Variants in GRIA4 observed in about 807,000 individuals in gnomAD.
The protein encoded by GRIA4 is glutamate receptor 4.
Under a neutral mutation model 104.0 loss-of-function variants are expected in GRIA4, and 34 were observed. The ratio of observed to expected loss-of-function variants is 0.33; its 90% CI spans 0.25 to 0.44. The LOEUF (loss-of-function observed/expected upper bound fraction) is 0.44. Among genes scored for constraint, GRIA4 ranks in the 20% least tolerant of loss-of-function variants. GRIA4 has a pLI of 1.00. For missense variants in GRIA4, 750 were observed against 1,096.5 expected (o/e 0.68, Z 4.46); for synonymous variants, 386 against 381.9 (o/e 1.01, Z -0.13).
chr11:105,879,767 A>C (rs2136076749), intron 5 of GRIA4, among the ~76,000 whole-genome samples: 1 of 152,342 alleles, frequency 6.6e-6, no homozygotes, highest in African/African-American at 2.4e-5. Flanking sequence ...ATTTCTCATA[A>C]ACAGGTTTGG....
intron 3 of GRIA4, among the ~76,000 whole-genome samples, chr11:105,698,218 A>C (rs984627484): frequency 1.3e-5 from 2 of 152,176 alleles, no homozygotes; most frequent in African/African-American, 4.8e-5. Context: ...CATATATATT[A>C]ATTATGTTAA....
chr11:105,952,356 G>C (rs957298333), intron 14 of GRIA4, among the ~76,000 whole-genome samples: 1 of 151,936 alleles, frequency 6.6e-6, no homozygotes, highest in African/African-American at 2.4e-5. Context: ...CCCAAAGTAG[G>C]TAAAAAAATT....
At chr11:105,731,185 AAAAC>A (rs1938563868) in intron 3 of GRIA4, among the ~76,000 whole-genome samples, 1 of 152,214 alleles carries the variant, frequency 6.6e-6, no homozygotes, top group Non-Finnish European at 1.5e-5. Context: ...TTACAAGAAA[AAAAC>A]AAACAGCCCC....
intron 3 of GRIA4, among the ~76,000 whole-genome samples, chr11:105,685,237 G>A (rs745456568): frequency 2.4e-4 from 37 of 152,028 alleles, no homozygotes; most frequent in Admixed American, 5.2e-4. Context: ...TCCTTAGGAC[G>A]CACTTAGAAA....
At chr11:105,881,044 G>T (rs138914232) in intron 5 of GRIA4, among the ~76,000 whole-genome samples, 1 of 152,210 alleles carries the variant, frequency 6.6e-6, no homozygotes, top group Admixed American at 6.5e-5. Flanking sequence ...CAGGCTGGAA[G>T]AGGAGTAGAG....
chr11:105,691,299 A>C (rs1038820750), intron 3 of GRIA4, among the ~76,000 whole-genome samples: 1 of 152,216 alleles, frequency 6.6e-6, no homozygotes, highest in African/African-American at 2.4e-5. Context: ...ACAACAACAA[A>C]AAAAATTGTT....
At chr11:105,810,938 T>C (rs1413675592) in intron 4 of GRIA4, among the ~76,000 whole-genome samples, 1 of 152,190 alleles carries the variant, frequency 6.6e-6, no homozygotes, top group African/African-American at 2.4e-5. Flanking sequence ...TATTATTGAT[T>C]ACTGCTTATT....
intron 4 of GRIA4, among the ~76,000 whole-genome samples, chr11:105,763,556 A>G (rs1052051060): frequency 3.9e-5 from 6 of 152,176 alleles, no homozygotes. Flanking sequence ...AACAAATGCA[A>G]AGATTTTACT....
chr11:105,933,970 G>T lies in GRIA4; in HGVS notation c.2294+1G>T. 1 of 1,610,296 alleles carries T rather than the reference G, an allele frequency of 6.2e-7. No homozygotes were observed. On this transcript the variant is annotated splice_donor_variant, in intron 14 of 16. Transcript: ENST00000282499. LOFTEE classifies it high-confidence loss of function. ...CAACGCCCAAGGGTTCCTCATTAAG[G>T]TGGGTGGAATAGTATAACAATATAA... is the stretch of plus-strand genomic sequence containing the variant.
intron 10 of GRIA4, chr11:105,913,438 C>A (rs1303972758): frequency 2.2e-6 from 1 of 445,152 alleles, no homozygotes; most frequent in Non-Finnish European, 3.0e-6. Flanking sequence ...AAATTAATAT[C>A]ATCATTTTTA....
chr11:105,839,481 G>A (rs554171391), intron 4 of GRIA4, among the ~76,000 whole-genome samples: 26 of 135,622 alleles, frequency 1.9e-4, no homozygotes, highest in African/African-American at 5.6e-4. Flanking sequence ...TCATGTAATC[G>A]CTATCTCATT....
At chr11:105,704,484 G>C (rs935548060) in intron 3 of GRIA4, among the ~76,000 whole-genome samples, 3 of 151,878 alleles carry the variant, frequency 2.0e-5, no homozygotes, top group African/African-American at 7.2e-5. Flanking sequence ...TAGACATCTG[G>C]ACCAGAAGAC....
intron 3 of GRIA4, among the ~76,000 whole-genome samples, chr11:105,710,228 T>C (rs184878133): frequency 4.7e-4 from 72 of 152,144 alleles, no homozygotes; most frequent in Non-Finnish European, 9.3e-4. Context: ...AGACCTGGGG[T>C]CAGGGTGTGA....
At chr11:105,755,775 T>A (rs1940273589) in intron 4 of GRIA4, among the ~76,000 whole-genome samples, 2 of 152,154 alleles carry the variant, frequency 1.3e-5, no homozygotes, top group African/African-American at 4.8e-5. Context: ...AACAAAAATT[T>A]GGTGGAAGGG....
chr11:105,877,988 C>T (rs370343745), intron 5 of GRIA4, among the ~76,000 whole-genome samples: 12 of 152,242 alleles, frequency 7.9e-5, no homozygotes, highest in Non-Finnish European at 1.6e-4. Context: ...GGAGAAGAGG[C>T]GTTCTGGTTT....
At chr11:105,615,883 T>G (rs1023629597) in intron 3 of GRIA4, among the ~76,000 whole-genome samples, 3 of 151,804 alleles carry the variant, frequency 2.0e-5, no homozygotes, top group Non-Finnish European at 4.4e-5. Flanking sequence ...TTAGTCCATC[T>G]CCAAATTTTG....
At position 105,733,956 on chromosome 11, in the gene GRIA4, T is replaced by G. The variant is rs144944267; in HGVS notation, c.248-19025T>G. On this transcript the variant is annotated intron_variant, in intron 3 of 16. Coordinates refer to ENST00000282499, the MANE Select transcript of GRIA4 (RefSeq NM_000829.4). ...TTTCCTGTGTTCATTTATGTTCCCA[T>G]AATGATAACCATATTATCATTGGTC... Among the ~76,000 whole-genome samples, 528 of 149,896 alleles carry G rather than the reference T, an allele frequency of 3.5e-3. 2 individuals carry two copies. The highest frequency in any genetic ancestry group is 0.012 in the African/African-American group (503 of 41,028).
At chr11:105,629,609 C>T (rs1392359669) in intron 3 of GRIA4, among the ~76,000 whole-genome samples, 2 of 152,096 alleles carry the variant, frequency 1.3e-5, no homozygotes, top group Admixed American at 1.3e-4. Context: ...TTAACGTACA[C>T]TGTTCTAAAT....
At chr11:105,911,852 T>G in intron 10 of GRIA4, 4 of 1,408,558 alleles carry the variant, frequency 2.8e-6, no homozygotes, top group Non-Finnish European at 3.9e-6. Context: ...AAGTCATACT[T>G]CAGTACAGTC....
Sources: gnomAD v4.1 joint callset for allele counts (sites outside exome capture counted in the v4.1 genomes callset) on GRCh38, gnomAD v4.1.1 for gene constraint, MANE v1.5 for transcripts, NCBI Gene and HGNC (gene_info 2026-07-23, HGNC 2026-07-21) for gene names.